DPP6: variants seen among roughly 807,000 people sequenced by gnomAD.
DPP6 encodes the protein dipeptidyl peptidase like 6.
In DPP6, 69 loss-of-function variants were observed where a neutral mutation model predicts 122.6. The observed-to-expected ratio is 0.56, with a 90% CI of 0.46 to 0.69. The LOEUF (loss-of-function observed/expected upper bound fraction) is 0.69, where lower values mean the gene tolerates loss of function less well. Among genes scored for constraint, DPP6 ranks in the 30% least tolerant of loss-of-function variants. The probability of loss-of-function intolerance (pLI) is 0.00; values close to 1 mark genes in which losing one functional copy is unlikely to be tolerated. For synonymous variants in DPP6, 418 were observed against 433.1 expected (o/e 0.97, Z 0.43); for missense variants, 928 against 1,116.9 (o/e 0.83, Z 2.41).
intron 1 of DPP6, among the ~76,000 whole-genome samples, chr7:154,435,124 A>G (rs560779759): frequency 1.4e-4 from 22 of 152,346 alleles, no homozygotes; most frequent in African/African-American, 4.3e-4. Context: ...GGCATGAGCC[A>G]CCATTCCTGG....
At position 154,669,371 on chromosome 7, in the gene DPP6, G is replaced by A. The variant is rs538699484; in HGVS notation, c.692G>A (p.Ser231Asn). Residue 231 changes from serine to asparagine, a missense_variant, in exon 7 of 26, where the codon AGT (serine) becomes AAT (asparagine). Ser to Asn is a conservative substitution (Grantham distance 46). Transcript: ENST00000377770. ...TGTTCAATTTTCAGGGATCCTCAAAGTCTGGACCCACCAGAAGTCAGCAAT... is the reference window on the plus strand; with the variant it reads ...TGTTCAATTTTCAGGGATCCTCAAAATCTGGACCCACCAGAAGTCAGCAAT... Reference protein sequence around the residue: ...LSKIPHGDPQSLDPPEVSNAK... With the variant: ...LSKIPHGDPQNLDPPEVSNAK... 2 of 1,554,748 alleles carry A rather than the reference G, an allele frequency of 1.3e-6. No homozygotes were observed. Among genetic ancestry groups the A allele is most frequent in the Middle Eastern group, 1.7e-4 (1 of 5,998 alleles).
chr7:154,070,650 T>C (rs1299616037), intron 1 of DPP6, among the ~76,000 whole-genome samples: 2 of 152,334 alleles, frequency 1.3e-5, no homozygotes, highest in Non-Finnish European at 2.9e-5. Flanking sequence ...TAAGTCAGTT[T>C]CCTTCATTAA....
chr7:153,824,374 G>A, the DPP6 span, among the ~76,000 whole-genome samples: 1 of 124,350 alleles, frequency 8.0e-6, no homozygotes, highest in African/African-American at 3.2e-5. Context: ...GCAACAGAGG[G>A]AGAGTCTGTC....
intron 11 of DPP6, among the ~76,000 whole-genome samples, chr7:154,794,665 C>T (rs1194122110): frequency 6.6e-6 from 1 of 152,068 alleles, no homozygotes; most frequent in African/African-American, 2.4e-5. Flanking sequence ...AGTCTCAGGC[C>T]GACTCAGTGT....
intron 1 of DPP6, among the ~76,000 whole-genome samples, chr7:154,206,053 A>C (rs1799429491): frequency 6.6e-6 from 1 of 152,226 alleles, no homozygotes; most frequent in African/African-American, 2.4e-5. Flanking sequence ...TCCATTTGTA[A>C]ACATTTTTGA....
intron 5 of DPP6, among the ~76,000 whole-genome samples, chr7:154,607,561 CAAAAAAAAAA>C (rs1162220684): frequency 4.5e-5 from 1 of 22,380 alleles, no homozygotes; most frequent in Non-Finnish European, 7.8e-5. Flanking sequence ...GACTCTGTCT[CAAAAAAAAAA>C]AAAAAAAAAA....
chr7:153,865,933 G>A, the DPP6 span, among the ~76,000 whole-genome samples: 4 of 151,976 alleles, frequency 2.6e-5, no homozygotes, highest in African/African-American at 9.6e-5. Context: ...ATAGTTTGCT[G>A]AGAATGATGG....
chr7:154,390,364 T>C (rs916703141), intron 1 of DPP6, among the ~76,000 whole-genome samples: 10 of 151,988 alleles, frequency 6.6e-5, no homozygotes, highest in African/African-American at 2.4e-4. Flanking sequence ...CAGGGAGGCT[T>C]TGAGTTTTGT....
At chr7:153,922,866 C>A (rs1455395744) in intron 1 of DPP6, among the ~76,000 whole-genome samples, 2 of 152,194 alleles carry the variant, frequency 1.3e-5, no homozygotes, top group Non-Finnish European at 2.9e-5. Context: ...GACATCCAGT[C>A]TTTGGACAAC....
the DPP6 span, among the ~76,000 whole-genome samples, chr7:153,796,123 C>T: frequency 1.6e-5 from 2 of 122,128 alleles, no homozygotes; most frequent in East Asian, 2.1e-4. Context: ...GATAAAAAGT[C>T]GGTCAGGTTT....
intron 5 of DPP6, among the ~76,000 whole-genome samples, chr7:154,607,804 G>A (rs1586722179): frequency 8.5e-6 from 1 of 117,860 alleles, no homozygotes. Context: ...CTAAATATGT[G>A]TTAATTGACT....
chr7:154,446,292 T>C lies in DPP6; in HGVS notation c.322T>C (p.Ser108Pro). The change falls in exon 2 of 26, where the codon TCC becomes CCC. Residue 108 changes from serine (S) to proline (P), a missense_variant. Coordinates refer to ENST00000377770, the MANE Select transcript of DPP6 (RefSeq NM_130797.4). ...ACTGCTTGTCATTCTGGTCATCTGC[T>C]CCTTGATCGTCACCTCGGTCATACT... ...IALLVILVICSLIVTSVILLT... is the reference protein window; with the variant it reads ...IALLVILVICPLIVTSVILLT... The C allele has an allele frequency of 6.2e-7, 1 of 1,612,388 alleles. No homozygotes were observed. The highest frequency in any genetic ancestry group is 8.5e-7 in the Non-Finnish European group (1 of 1,179,056).
At chr7:154,864,166 T>C (rs1161342895) in intron 17 of DPP6, among the ~76,000 whole-genome samples, 1 of 152,266 alleles carries the variant, frequency 6.6e-6, no homozygotes, top group East Asian at 1.9e-4. Flanking sequence ...CCTGCAGTTT[T>C]ATTTCTTGTA....
chr7:154,387,328 G>A (rs1814206516), intron 1 of DPP6, among the ~76,000 whole-genome samples: 1 of 152,198 alleles, frequency 6.6e-6, no homozygotes, highest in African/African-American at 2.4e-5. Flanking sequence ...TGAAAGACTA[G>A]GAGGGGAGGG....
At chr7:154,242,673 T>C (rs1801700106) in intron 1 of DPP6, among the ~76,000 whole-genome samples, 1 of 152,182 alleles carries the variant, frequency 6.6e-6, no homozygotes, top group African/African-American at 2.4e-5. Flanking sequence ...CCAGCAGAAC[T>C]GTGGCCTCAC....
At chr7:154,718,002 G>A (rs1287833113) in intron 7 of DPP6, among the ~76,000 whole-genome samples, 4 of 152,200 alleles carry the variant, frequency 2.6e-5, no homozygotes, top group Non-Finnish European at 5.9e-5. Flanking sequence ...CTGATGATTA[G>A]TGATGTTGAA....
At chr7:153,941,260 G>A (rs1801684239) in intron 1 of DPP6, among the ~76,000 whole-genome samples, 1 of 152,212 alleles carries the variant, frequency 6.6e-6, no homozygotes, top group South Asian at 2.1e-4. Flanking sequence ...GCACCAGACA[G>A]CCTCGGGGTG....
At chr7:154,768,185 A>G (rs1006322988) in intron 8 of DPP6, among the ~76,000 whole-genome samples, 7 of 152,150 alleles carry the variant, frequency 4.6e-5, no homozygotes, top group Non-Finnish European at 8.8e-5. Context: ...CCCCTTCATG[A>G]ACCCTCCTCC....
At chr7:153,801,789 A>G in the DPP6 span, among the ~76,000 whole-genome samples, 58 of 152,334 alleles carry the variant, frequency 3.8e-4, no homozygotes, top group East Asian at 9.3e-3. Context: ...ATTAAAATTC[A>G]GAGAGCCCTT....
Sources: allele counts gnomAD v4.1 joint callset (sites outside exome capture counted in the v4.1 genomes callset), GRCh38; gene constraint gnomAD v4.1.1; transcripts MANE v1.5; gene names NCBI Gene and HGNC (gene_info 2026-07-23, HGNC 2026-07-21).